Variants in GAL3ST4 observed in about 807,000 individuals in gnomAD.
The protein encoded by GAL3ST4 is galactose-3-O-sulfotransferase 4.
GAL3ST4 carries 30 observed loss-of-function variants against 31.6 expected under a neutral mutation model. The ratio of observed to expected loss-of-function variants is 0.95; its 90% CI spans 0.71 to 1.29. GAL3ST4 has a LOEUF of 1.29. Ranked by LOEUF, GAL3ST4 falls within the 50% of genes most tolerant of loss-of-function variation. The probability of loss-of-function intolerance (pLI) is 0.00; values close to 1 mark genes in which losing one functional copy is unlikely to be tolerated. For synonymous variants in GAL3ST4, 248 were observed against 256.9 expected, an observed-to-expected ratio of 0.97 and a Z score of 0.33; for missense variants, 629 against 625.2, an observed-to-expected ratio of 1.01 and a Z score of -0.06.
intron 3 of GAL3ST4, among the ~76,000 whole-genome samples, chr7:100,165,665 T>TA: frequency 6.7e-6 from 1 of 149,472 alleles, no homozygotes; most frequent in Non-Finnish European, 1.5e-5. Flanking sequence ...AAAAATAAAA[T>TA]AAAAAAATAG....
In GAL3ST4 at chr7:100,160,692, T is replaced by G. The variant is rs376149350; in HGVS notation, c.697A>C (p.Arg233=). Residue 233 remains arginine, a synonymous_variant, in exon 4 of 4, where the codon AGA becomes CGA. Coordinates refer to ENST00000360039, the MANE Select transcript of GAL3ST4 (RefSeq NM_024637.5). The stretch of plus-strand genomic sequence containing the variant: ...TGCAGCTGTGGGGGGTTGGGGTCTC[T>G]GGGGGGATGAATATTCCCTCTCTTG... ...RAKRGNIHPP[R]DPNPPQLQVL... is the part of the protein sequence containing the mutation. 3.7e-6 allele frequency: 6 copies of G among 1,613,604 alleles called. No individual in the cohort carries two copies. The highest frequency in any genetic ancestry group is 4.2e-6 in the Non-Finnish European group (5 of 1,179,886).
Position 100,167,057 on chromosome 7 carries a change from C to G in GAL3ST4, c.39G>C (p.Trp13Cys). The change falls in exon 2 of 4, where the codon TGG (tryptophan) becomes TGC (cysteine). Residue 13 changes from tryptophan (W) to cysteine (C), a missense_variant. Trp to Cys is a radical substitution (Grantham distance 215). Coordinates refer to ENST00000360039, the MANE Select transcript of GAL3ST4 (RefSeq NM_024637.5). ...GAGCCACCCCCAGGCTCCGAGGTCC[C>G]CAGAGCCGCAGCGTCCTGGCAGGAG... Reference protein sequence around the residue: ...PLSPARTLRLWGPRSLGVALG... With the variant: ...PLSPARTLRLCGPRSLGVALG... 6.4e-7 allele frequency: 1 copy of G among 1,559,402 alleles called. No homozygotes were observed. The highest frequency in any genetic ancestry group is 8.7e-7 in the Non-Finnish European group (1 of 1,151,062).
chr7:100,162,664 G>T (rs1444110682), intron 3 of GAL3ST4, among the ~76,000 whole-genome samples: 1 of 141,606 alleles, frequency 7.1e-6, no homozygotes, highest in African/African-American at 2.6e-5. Context: ...GAGGCTTGTC[G>T]GGGTCAGGGG....
chr7:100,160,054 G>A lies in GAL3ST4; in HGVS notation c.1335C>T (p.Pro445=). Residue 445 remains proline (P), a synonymous_variant, in exon 4 of 4, where the codon CCC becomes CCT. Coordinates refer to ENST00000360039, the MANE Select transcript of GAL3ST4 (RefSeq NM_024637.5). ...LGYILRSGLS[P]QDQEECERLA... is the part of the protein sequence containing the mutation. ...GGCGCTCACATTCCTCTTGGTCTTG[G>A]GGGCTCAATCCACTCCGAAGTATAT... The A allele has an allele frequency of 6.2e-7, 1 of 1,614,094 alleles. No individual in the cohort carries two copies. Among genetic ancestry groups the A allele is most frequent in the East Asian group, 2.2e-5 (1 of 44,884 alleles).
chr7:100,165,203 C>T (rs375693211), intron 3 of GAL3ST4, among the ~76,000 whole-genome samples: 11 of 151,668 alleles, frequency 7.3e-5, no homozygotes, highest in African/African-American at 2.4e-4. Flanking sequence ...TGGAGTCTCG[C>T]TCTGTTGCCC....
chr7:100,162,021 G>C (rs1414057275), intron 3 of GAL3ST4, among the ~76,000 whole-genome samples: 1 of 152,122 alleles, frequency 6.6e-6, no homozygotes, highest in Admixed American at 6.6e-5. Context: ...TGCCTGCAGG[G>C]CTTAAAACCT....
intron 3 of GAL3ST4, among the ~76,000 whole-genome samples, chr7:100,162,493 C>T (rs1372409919): frequency 8.8e-5 from 13 of 147,852 alleles, no homozygotes; most frequent in Middle Eastern, 3.5e-3. Flanking sequence ...TGCAGTGAGC[C>T]GAGATCGCGC....
intron 3 of GAL3ST4, among the ~76,000 whole-genome samples, chr7:100,163,856 A>G (rs2116972340): frequency 6.6e-6 from 1 of 152,286 alleles, no homozygotes; most frequent in South Asian, 2.1e-4. Context: ...TTGAAGGCAG[A>G]GGGGAAAGCG....
At chr7:100,164,913 C>G (rs1357520611) in intron 3 of GAL3ST4, among the ~76,000 whole-genome samples, 2 of 146,744 alleles carry the variant, frequency 1.4e-5, no homozygotes, top group African/African-American at 2.5e-5. Context: ...CTCACTGTGT[C>G]ACCCAGGCTG....
In GAL3ST4 at chr7:100,160,975, G is replaced by A. The variant is rs1428491494; in HGVS notation, c.430-16C>T. ...CCTGAAGTACCTGCAGAGGAGGGAA[G>A]ACAGAAGAGAGAGAACTGGGCTGGG... On this transcript the variant is annotated splice_polypyrimidine_tract_variant and intron_variant, in intron 3 of 3. Coordinates refer to ENST00000360039, the MANE Select transcript of GAL3ST4 (RefSeq NM_024637.5). 4.5e-6 allele frequency: 7 copies of A among 1,556,232 alleles called. No individual in the cohort carries two copies. Among genetic ancestry groups the A allele is most frequent in the Non-Finnish European group, 6.1e-6 (7 of 1,155,398 alleles).
In GAL3ST4 at chr7:100,166,550, C is replaced by T; in HGVS notation, c.381G>A (p.Gln127=). The T allele has an allele frequency of 6.2e-7, 1 of 1,614,126 alleles. No homozygotes were observed. ...GGTGACAGAGGATGTGGAAGGGGAG[C>T]TGGGTGCCTCCACCCTGTGGGCGGT... ...KGYRPQGGGT[Q]LPFHILCHHM... Residue 127 remains glutamine, a synonymous_variant, in exon 3 of 4, where the codon CAG becomes CAA. Coordinates refer to ENST00000360039, the MANE Select transcript of GAL3ST4 (RefSeq NM_024637.5).
Position 100,160,108 on chromosome 7 carries a change from G to T in GAL3ST4, c.1281C>A (p.Phe427Leu). 4.3e-6 allele frequency: 7 copies of T among 1,614,122 alleles called. No individual in the cohort carries two copies. The South Asian group carries it at 7.7e-5, about 18-fold the overall frequency. Residue 427 changes from phenylalanine to leucine, a missense_variant, in exon 4 of 4, where the codon TTC becomes TTA. Physicochemically the swap from Phe to Leu is conservative, Grantham distance 22. Coordinates refer to ENST00000360039, the MANE Select transcript of GAL3ST4 (RefSeq NM_024637.5). Reference protein sequence around the residue: ...KYITDRRFRPFQFGSAKVLGY... With the variant: ...KYITDRRFRPLQFGSAKVLGY... ...CCAAAACCTTAGCTGACCCAAACTG[G>T]AAGGGGCGGAACCGGCGATCAGTGA...
chr7:100,160,892 C>A lies in GAL3ST4; in HGVS notation c.497G>T (p.Arg166Leu), dbSNP rs561878173. The change falls in exon 4 of 4, where the codon CGC becomes CTC. Residue 166 changes from arginine (R) to leucine (L), a missense_variant. Transcript: ENST00000360039. ...GGATTTATAGTAGGAGAAGGCAGAG[C>A]GAGCCAGAGCCGCTGGGTCTCGGAC... ...SIVRDPAALA[R>L]SAFSYYKSTS... 2.5e-6 allele frequency: 4 copies of A among 1,613,878 alleles called. No homozygotes were observed. The South Asian group carries it at 4.4e-5, about 18-fold the overall frequency.
intron 3 of GAL3ST4, among the ~76,000 whole-genome samples, chr7:100,164,569 G>T (rs1184502694): frequency 6.6e-6 from 1 of 152,116 alleles, no homozygotes; most frequent in African/African-American, 2.4e-5. Context: ...GGAGGCATGA[G>T]AATTGCTTGA....
In GAL3ST4 at chr7:100,160,703, A is replaced by G; in HGVS notation, c.686T>C (p.Ile229Thr). 1 of 1,613,886 alleles carries G rather than the reference A, an allele frequency of 6.2e-7. No homozygotes were observed. The highest frequency in any genetic ancestry group is 8.5e-7 in the Non-Finnish European group (1 of 1,179,934). ...PPEKRAKRGN[I>T]HPPRDPNPPQ... The stretch of plus-strand genomic sequence containing the variant: ...GGGGTTGGGGTCTCTGGGGGGATGA[A>G]TATTCCCTCTCTTGGCCCTCTTCTC... The change falls in exon 4 of 4, where the codon ATT becomes ACT. Residue 229 changes from isoleucine (I) to threonine (T), a missense_variant. By Grantham distance (89) the Ile-to-Thr change is moderately conservative. Coordinates refer to ENST00000360039, the MANE Select transcript of GAL3ST4 (RefSeq NM_024637.5).
chr7:100,166,621 G>A lies in GAL3ST4; in HGVS notation c.310C>T (p.Gln104Ter), dbSNP rs777366026. ...TGGAAGAGCTTTGGGTAGCCAAACT[G>A]GTAGCGGGCAGGGAGGGCGAAGCGC... Reference protein sequence around the residue: ...GLRFALPARYQFGYPKLFQAS... With the variant: ...GLRFALPARY The change falls in exon 3 of 4, where the codon CAG (glutamine) becomes TAG (stop). Residue 104 changes from glutamine to a stop codon, truncating the protein, a stop_gained. Transcript: ENST00000360039. LOFTEE classifies it high-confidence loss of function. 6.2e-7 allele frequency: 1 copy of A among 1,614,234 alleles called. No individual in the cohort carries two copies. Among genetic ancestry groups the A allele is most frequent in the South Asian group, 1.1e-5 (1 of 91,086 alleles).
intron 3 of GAL3ST4, 124 bp downstream of exon 3, chr7:100,166,378 C>T: frequency 1.9e-6 from 2 of 1,035,802 alleles, no homozygotes; most frequent in Non-Finnish European, 2.8e-6. Flanking sequence ...ACTTTGTGGC[C>T]CCTATGTCCA....
rs1410706324 is a variant in GAL3ST4, at chr7:100,167,047, T to G, written c.49A>C (p.Ser17Arg). ...AAGACTCCCAGAGCCACCCCCAGGC[T>G]CCGAGGTCCCCAGAGCCGCAGCGTC... ...ARTLRLWGPR[S>R]LGVALGVFMT... Residue 17 changes from serine to arginine, a missense_variant, in exon 2 of 4, where the codon AGC becomes CGC. By Grantham distance (110) the Ser-to-Arg change is moderately radical. Transcript: ENST00000360039. 2 of 1,562,064 alleles carry G rather than the reference T, an allele frequency of 1.3e-6. No individual in the cohort carries two copies. The highest frequency in any genetic ancestry group is 1.7e-6 in the Non-Finnish European group (2 of 1,152,724).
chr7:100,159,965 G>A lies in GAL3ST4; in HGVS notation c.1424C>T (p.Ser475Leu). Reference protein sequence around the residue: ...LDAKQFPPTVSLPLKTSRPLS... With the variant: ...LDAKQFPPTVLLPLKTSRPLS... ...TGGCCTTGAAGTCTTGAGGGGCAGT[G>A]AGACGGTAGGGGGGAACTGCTTGGC... Residue 475 changes from serine to leucine, a missense_variant, in exon 4 of 4, where the codon TCA becomes TTA. Transcript: ENST00000360039. The A allele has an allele frequency of 6.2e-7, 1 of 1,612,186 alleles. No homozygotes were observed. Among genetic ancestry groups the A allele is most frequent in the Non-Finnish European group, 8.5e-7 (1 of 1,179,020 alleles).
Sources: allele counts gnomAD v4.1 joint callset (sites outside exome capture counted in the v4.1 genomes callset), GRCh38; gene constraint gnomAD v4.1.1; transcripts MANE v1.5; gene names NCBI Gene and HGNC (gene_info 2026-07-23, HGNC 2026-07-21).